The following AGXT2 variants were observed in gnomAD, a reference collection of about 807,000 sequenced individuals.
AGXT2 encodes the protein alanine--glyoxylate aminotransferase 2.
Under a neutral mutation model 62.5 loss-of-function variants are expected in AGXT2, and 61 were observed. The ratio of observed to expected loss-of-function variants is 0.98; its 90% CI spans 0.79 to 1.21. The LOEUF is 1.21. Ranked by LOEUF, AGXT2 falls within the 50% of genes most tolerant of loss-of-function variation. AGXT2 has a pLI of 0.00. For missense variants in AGXT2, 666 were observed against 641.5 expected (o/e 1.04, Z -0.41); for synonymous variants, 243 against 218.7 (o/e 1.11, Z -0.98).
At chr5:35,007,361 A>G (rs920100242) in intron 12 of AGXT2, among the ~76,000 whole-genome samples, 2 of 152,240 alleles carry the variant, frequency 1.3e-5, no homozygotes. Context: ...GGACTAATAT[A>G]GTGGAAAAGA....
chr5:35,032,034 C>A (rs147269897), intron 7 of AGXT2, among the ~76,000 whole-genome samples: 251 of 150,570 alleles, frequency 1.7e-3, no homozygotes, highest in African/African-American at 5.8e-3. Flanking sequence ...TTCACTGCAA[C>A]CTCTGCCTCC....
In AGXT2 at chr5:35,010,070, T is replaced by C. The variant is rs1461656636; in HGVS notation, c.1268A>G (p.Asp423Gly). The C allele has an allele frequency of 1.2e-6, 2 of 1,614,114 alleles. No homozygotes were observed. The highest frequency in any genetic ancestry group is 1.1e-5 in the South Asian group (1 of 91,086). Reference protein sequence around the residue: ...YMLLKFAKLRDEFEIVGDVRG... With the variant: ...YMLLKFAKLRGEFEIVGDVRG... ...GACGTCTCCAACAATTTCAAATTCA[T>C]CCCGCAGCTTAGCAAACTTTAGTAA... Residue 423 changes from aspartate to glycine, a missense_variant, in exon 12 of 14, where the codon GAT becomes GGT. Physicochemically the swap from Asp to Gly is moderately conservative, Grantham distance 94. Coordinates refer to ENST00000231420, the MANE Select transcript of AGXT2 (RefSeq NM_031900.4).
intron 4 of AGXT2, among the ~76,000 whole-genome samples, chr5:35,035,952 C>T (rs933244503): frequency 7.9e-5 from 12 of 152,224 alleles, no homozygotes; most frequent in Admixed American, 5.9e-4. Flanking sequence ...TGGTGGGCAC[C>T]TGTAATCCCA....
chr5:34,998,328 C>G lies in AGXT2; in HGVS notation c.*391G>C, dbSNP rs1766104860. On this transcript the variant is annotated 3_prime_UTR_variant, in exon 14 of 14. Coordinates refer to ENST00000231420, the MANE Select transcript of AGXT2 (RefSeq NM_031900.4). Reference sequence around the variant, plus strand: ...TCAGCGCAACAAGAAGACATCTCTTCTTGAACTGAAGAGTGAGGGTGAAGA... The same window carrying G: ...TCAGCGCAACAAGAAGACATCTCTTGTTGAACTGAAGAGTGAGGGTGAAGA... The G allele has an allele frequency of 2.1e-5, 6 of 281,420 alleles. No individual in the cohort carries two copies. The East Asian group carries it at 5.5e-4, about 26-fold the overall frequency. 17.4% of individuals were successfully genotyped at this position (281,420 alleles called of 1,614,324 possible).
chr5:34,998,922 T>G (rs1181344408), intron 13 of AGXT2, 96 bp from the exon 14 acceptor site: 1 of 929,732 alleles, frequency 1.1e-6, no homozygotes, highest in African/African-American at 1.6e-5. Flanking sequence ...ACCTTGTGTT[T>G]AGGATGTTTC....
chr5:35,006,155 G>C (rs1766411905), intron 12 of AGXT2, among the ~76,000 whole-genome samples: 1 of 152,160 alleles, frequency 6.6e-6, no homozygotes, highest in Admixed American at 6.5e-5. Flanking sequence ...ATTGCAGTAA[G>C]TTGTTCAACC....
At chr5:35,018,931 C>G (rs1189320903) in intron 9 of AGXT2, among the ~76,000 whole-genome samples, 1 of 141,534 alleles carries the variant, frequency 7.1e-6, no homozygotes, top group Non-Finnish European at 1.5e-5. Context: ...ATCCTAGTCT[C>G]TGATAAAACA....
intron 12 of AGXT2, among the ~76,000 whole-genome samples, chr5:35,006,781 T>A (rs1041088304): frequency 6.6e-6 from 1 of 152,116 alleles, no homozygotes. Context: ...AATATGAGAG[T>A]ACCTATCCTG....
chr5:35,044,125 C>G (rs572877480), intron 1 of AGXT2, among the ~76,000 whole-genome samples: 1 of 152,288 alleles, frequency 6.6e-6, no homozygotes, highest in African/African-American at 2.4e-5. Context: ...CTCCATCCAC[C>G]TTAGAGGACA....
At chr5:35,040,500 T>C in intron 2 of AGXT2, 75 bp downstream of exon 2, 1 of 1,397,496 alleles carries the variant, frequency 7.2e-7, no homozygotes, top group South Asian at 1.2e-5. Flanking sequence ...TTTGTGTCAT[T>C]CTTAAGGAAA....
chr5:35,039,509 C>A lies in AGXT2; in HGVS notation c.178-1G>T, dbSNP rs1767902798. 6.2e-7 allele frequency: 1 copy of A among 1,613,462 alleles called. No homozygotes were observed. The highest frequency in any genetic ancestry group is 1.3e-5 in the African/African-American group (1 of 74,880). ...CCAGGACACGGTTGTAGCCAAGGGA[C>A]TGTAGATAAACAAGATTTAAACCCA... On this transcript the variant is annotated splice_acceptor_variant, in intron 2 of 13. Coordinates refer to ENST00000231420, the MANE Select transcript of AGXT2 (RefSeq NM_031900.4). LOFTEE classifies it high-confidence loss of function.
chr5:35,038,378 C>T (rs977910769), intron 3 of AGXT2, among the ~76,000 whole-genome samples: 1 of 152,224 alleles, frequency 6.6e-6, no homozygotes, highest in Admixed American at 6.5e-5. Context: ...AATGTTTGAA[C>T]TCATTTTCTA....
intron 11 of AGXT2, among the ~76,000 whole-genome samples, chr5:35,012,206 G>A (rs868606069): frequency 5.9e-5 from 9 of 151,688 alleles, no homozygotes; most frequent in Admixed American, 3.9e-4. Context: ...AACCAAAACC[G>A]ACTTGTATCC....
chr5:35,047,087 G>T (rs570091228), intron 1 of AGXT2, among the ~76,000 whole-genome samples: 1 of 152,170 alleles, frequency 6.6e-6, no homozygotes, highest in African/African-American at 2.4e-5. Flanking sequence ...AATTGAGAGC[G>T]TGGTCTCACT....
At chr5:35,046,884 T>C (rs993881160) in intron 1 of AGXT2, among the ~76,000 whole-genome samples, 1 of 152,106 alleles carries the variant, frequency 6.6e-6, no homozygotes, top group African/African-American at 2.4e-5. Flanking sequence ...GAGGTGAGGC[T>C]CTCGTGAAAC....
At chr5:35,013,759 G>C (rs1224829132) in intron 10 of AGXT2, among the ~76,000 whole-genome samples, 2 of 148,622 alleles carry the variant, frequency 1.3e-5, no homozygotes, top group African/African-American at 2.5e-5. Context: ...CTCAAGCCTG[G>C]GTGACAGAGC....
At chr5:35,034,015 T>C (rs1315165760) in intron 5 of AGXT2, among the ~76,000 whole-genome samples, 1 of 152,170 alleles carries the variant, frequency 6.6e-6, no homozygotes, top group Non-Finnish European at 1.5e-5. Flanking sequence ...CAGGTTTTGT[T>C]TCTTTTGAAC....
At chr5:35,043,309 G>GA (rs552894339) in intron 1 of AGXT2, among the ~76,000 whole-genome samples, 2 of 152,036 alleles carry the variant, frequency 1.3e-5, no homozygotes, top group African/African-American at 2.4e-5. Context: ...CCTTTAAAAT[G>GA]AAAAAAAGAT....
chr5:35,023,812 A>G (rs964498089), intron 9 of AGXT2, among the ~76,000 whole-genome samples: 13 of 152,330 alleles, frequency 8.5e-5, no homozygotes, highest in African/African-American at 3.1e-4. Context: ...GCCCAGGCAG[A>G]AATTGCAAAA....
Sources: allele counts gnomAD v4.1 joint callset (sites outside exome capture counted in the v4.1 genomes callset), GRCh38; gene constraint gnomAD v4.1.1; transcripts MANE v1.5; gene names NCBI Gene and HGNC (gene_info 2026-07-23, HGNC 2026-07-21).